DDX24: variants seen among roughly 807,000 people sequenced by gnomAD.
DDX24 encodes DEAD-box helicase 24.
DDX24 carries 24 observed loss-of-function variants against 68.9 expected under a neutral mutation model. That is an observed-to-expected ratio of 0.35 (90% CI 0.25 to 0.49). DDX24 has a LOEUF of 0.49. Among genes scored for constraint, DDX24 ranks in the 20% least tolerant of loss-of-function variants. DDX24 has a pLI of 0.99. For synonymous variants in DDX24, 395 were observed against 385.2 expected (o/e 1.03, Z -0.30); for missense variants, 989 against 1,039.0 (o/e 0.95, Z 0.66).
chr14:94,078,899 AC>A, intron 2 of DDX24, 125 bp downstream of exon 2: 1 of 1,045,946 alleles, frequency 9.6e-7, no homozygotes, highest in Non-Finnish European at 1.4e-6. Context: ...ACTTCTAAAC[AC>A]CTTTATTCAG....
intron 6 of DDX24, chr14:94,056,162 G>A (rs528292294): frequency 2.0e-4 from 30 of 152,276 alleles, no homozygotes; most frequent in African/African-American, 6.7e-4. Flanking sequence ...ATAGAGATTT[G>A]CTAAACCAAA....
At chr14:94,068,739 T>G (rs1885760034) in intron 2 of DDX24, among the ~76,000 whole-genome samples, 1 of 152,062 alleles carries the variant, frequency 6.6e-6, no homozygotes. Context: ...ACATGAAAAT[T>G]AAATAACCTG....
intron 2 of DDX24, among the ~76,000 whole-genome samples, chr14:94,078,493 A>G (rs1464748856): frequency 6.6e-6 from 1 of 152,132 alleles, no homozygotes; most frequent in Non-Finnish European, 1.5e-5. Context: ...AATCCACCCA[A>G]TGACTACCCA....
At chr14:94,059,168 T>C (rs1362107890) in intron 5 of DDX24, among the ~76,000 whole-genome samples, 1 of 152,228 alleles carries the variant, frequency 6.6e-6, no homozygotes, top group Non-Finnish European at 1.5e-5. Flanking sequence ...TACTTACCAA[T>C]TTTTAAAAAC....
At chr14:94,056,408 C>G (rs568901008) in intron 6 of DDX24, 22 of 152,220 alleles carry the variant, frequency 1.4e-4, no homozygotes, top group African/African-American at 5.1e-4. Context: ...ATCATCTTAC[C>G]CAATGAAGTC....
rs1886007143 is a variant in DDX24 at position 94,079,270 on chromosome 14, T to C, written c.473A>G (p.Lys158Arg). The change falls in exon 2 of 9, where the codon AAA becomes AGA. Residue 158 changes from lysine to arginine, a missense_variant. Lys to Arg is a conservative substitution (Grantham distance 26). Coordinates refer to ENST00000621632, the MANE Select transcript of DDX24 (RefSeq NM_020414.4). ...AGAAGGCTCCAACCCTTTTTTCCCT[T>C]TATTTTTCTTCTTTTTTGGAGCAGT... is the stretch of plus-strand genomic sequence containing the variant. ...VQTAPKKKKN[K>R]GKKGLEPSQS... The C allele has an allele frequency of 6.2e-7, 1 of 1,614,050 alleles. No individual in the cohort carries two copies. The highest frequency in any genetic ancestry group is 1.3e-5 in the African/African-American group (1 of 74,926).
chr14:94,066,787 G>T (rs534914416), intron 2 of DDX24, among the ~76,000 whole-genome samples: 18 of 152,290 alleles, frequency 1.2e-4, no homozygotes, highest in African/African-American at 4.3e-4. Context: ...GGAAAAGGGG[G>T]AGTACTACAT....
At position 94,079,772 on chromosome 14, in the gene DDX24, T is replaced by C. The variant is rs150975082; in HGVS notation, c.-5-25A>G. The C allele has an allele frequency of 1.7e-5, 27 of 1,596,054 alleles. No homozygotes were observed. In the East Asian group the frequency reaches 4.5e-4, roughly 26 times the overall value. On this transcript the variant is annotated intron_variant, in intron 1 of 8. Transcript: ENST00000621632. ...GCTGAAAAGGAGATACATGTTCTAT[T>C]AGGTTGGTGTCTGAGAAGCAGAGGG... is the stretch of plus-strand genomic sequence containing the variant.
chr14:94,053,102 A>G lies in DDX24; in HGVS notation c.2204T>C (p.Ile735Thr), dbSNP rs533367866. ...VKERIRLARQ[I>T]EKSEYRNFQA... ...GAAGTTCCGATACTCAGATTTCTCA[A>G]TCTGTCGAGCTAAACGGATTCGCTC... The change falls in exon 8 of 9, where the codon ATT becomes ACT. Residue 735 changes from isoleucine (I) to threonine (T), a missense_variant. Around this residue, in one of 3 missense-constraint regions of DDX24, gnomAD observed 691 missense variants for 760.0 expected, o/e 0.91. Coordinates refer to ENST00000621632, the MANE Select transcript of DDX24 (RefSeq NM_020414.4). 1.5e-5 allele frequency: 24 copies of G among 1,614,190 alleles called. No homozygotes were observed. The highest frequency in any genetic ancestry group is 2.2e-5 in the East Asian group (1 of 44,886).
At chr14:94,069,482 A>C (rs1264599366) in intron 2 of DDX24, among the ~76,000 whole-genome samples, 1 of 152,162 alleles carries the variant, frequency 6.6e-6, no homozygotes, top group African/African-American at 2.4e-5. Context: ...CGAGATGGAG[A>C]AAGAAGGAAC....
In DDX24 at chr14:94,055,119, G is replaced by A. The variant is rs1885467615; in HGVS notation, c.2055C>T (p.Gly685=). 1 of 1,614,034 alleles carries A rather than the reference G, an allele frequency of 6.2e-7. No homozygotes were observed. ...SGRTARATNE[G]LSLMLIGPED... ...CAGGCCCAATGAGCATCAGACTGAG[G>A]CCTTCATTGGTAGCTCGAGCAGTTC... Residue 685 remains glycine (G), a synonymous_variant, in exon 7 of 9, where the codon GGC becomes GGT. Coordinates refer to ENST00000621632, the MANE Select transcript of DDX24 (RefSeq NM_020414.4).
At chr14:94,058,598 T>C (rs936135740) in intron 5 of DDX24, among the ~76,000 whole-genome samples, 4 of 152,202 alleles carry the variant, frequency 2.6e-5, no homozygotes, top group Non-Finnish European at 5.9e-5. Flanking sequence ...ATCTGGTTCA[T>C]GGTAAGCACT....
Position 94,051,134 on chromosome 14 carries a change from T to G in DDX24, c.*57A>C. 2 of 1,466,898 alleles carry G rather than the reference T, an allele frequency of 1.4e-6. No homozygotes were observed. The highest frequency in any genetic ancestry group is 1.5e-5 in the South Asian group (1 of 66,942). 90.9% of individuals were successfully genotyped at this position (1,466,898 alleles called of 1,614,324 possible). On this transcript the variant is annotated 3_prime_UTR_variant, in exon 9 of 9. Coordinates refer to ENST00000621632, the MANE Select transcript of DDX24 (RefSeq NM_020414.4). The stretch of plus-strand genomic sequence containing the variant: ...GAGTGAAACACAAGGGTGGGAGAGG[T>G]TTTGCAAATAGCCAGAGAACAGAAA...
chr14:94,066,102 C>T (rs1325112737), intron 2 of DDX24, among the ~76,000 whole-genome samples: 2 of 152,160 alleles, frequency 1.3e-5, no homozygotes, highest in Non-Finnish European at 2.9e-5. Context: ...AAGCAGATAA[C>T]CTTGGGCAAG....
At chr14:94,054,963 T>C in intron 7 of DDX24, 33 bp downstream of exon 7, 1 of 1,606,406 alleles carries the variant, frequency 6.2e-7, no homozygotes, top group Middle Eastern at 1.7e-4. Context: ...GCACAATCCC[T>C]TCATTAGCAC....
intron 2 of DDX24, among the ~76,000 whole-genome samples, chr14:94,071,565 A>G (rs539922017): frequency 2.0e-5 from 3 of 152,170 alleles, no homozygotes; most frequent in East Asian, 3.9e-4. Flanking sequence ...CAGGAGAATC[A>G]CTTGAACCTG....
chr14:94,055,226 C>CA, intron 6 of DDX24, 42 bp from the exon 7 acceptor site: 1 of 1,588,804 alleles, frequency 6.3e-7, no homozygotes, highest in Non-Finnish European at 8.6e-7. Context: ...TGGCCACTGC[C>CA]AAACACTGGT....
intron 2 of DDX24, among the ~76,000 whole-genome samples, chr14:94,069,252 A>G (rs948454813): frequency 6.6e-6 from 1 of 152,170 alleles, no homozygotes; most frequent in Non-Finnish European, 1.5e-5. Flanking sequence ...ACACAGATAA[A>G]CTAGGAAACC....
chr14:94,056,416 G>A (rs1001906201), intron 6 of DDX24: 1 of 152,142 alleles, frequency 6.6e-6, no homozygotes, highest in Non-Finnish European at 1.5e-5. Context: ...ACCCAATGAA[G>A]TCTCCATAAA....
Sources: gnomAD v4.1 joint callset for allele counts (sites outside exome capture counted in the v4.1 genomes callset) on GRCh38, gnomAD v4.1.1 for gene constraint, gnomAD v4.1.1 regional missense constraint, MANE v1.5 for transcripts, NCBI Gene and HGNC (gene_info 2026-07-23, HGNC 2026-07-21) for gene names.